The following GFRA2 variants were observed in gnomAD, a reference collection of about 807,000 sequenced individuals.
GFRA2 encodes the protein GDNF family receptor alpha-2.
A neutral mutation model predicts 48.3 loss-of-function variants in GFRA2; 17 were observed. The ratio of observed to expected loss-of-function variants is 0.35; its 90% CI spans 0.24 to 0.53. The LOEUF (loss-of-function observed/expected upper bound fraction) is 0.53. Among genes scored for constraint, GFRA2 ranks in the 20% least tolerant of loss-of-function variants. The pLI is 0.93. For missense variants in GFRA2, 660 were observed against 637.3 expected (o/e 1.04, Z -0.38); for synonymous variants, 305 against 257.2 (o/e 1.19, Z -1.78).
At chr8:21,727,165 G>A (rs1803911946) in intron 4 of GFRA2, among the ~76,000 whole-genome samples, 1 of 152,180 alleles carries the variant, frequency 6.6e-6, no homozygotes, top group Admixed American at 6.5e-5. Context: ...CCCACGAGGT[G>A]TTTGATCTCA....
At chr8:21,716,425 C>G (rs374704530) in intron 4 of GFRA2, among the ~76,000 whole-genome samples, 8 of 152,108 alleles carry the variant, frequency 5.3e-5, no homozygotes, top group Non-Finnish European at 1.2e-4. Context: ...AGAAAGGCCA[C>G]GTGGGCCAAA....
chr8:21,782,538 G>T, intron 2 of GFRA2, 47 bp downstream of exon 2: 1 of 1,422,646 alleles, frequency 7.0e-7, no homozygotes. Context: ...CGTCCTCTCT[G>T]CCTGCGCCAC....
At chr8:21,801,487 T>A (rs1170350372) in intron 2 of GFRA2, among the ~76,000 whole-genome samples, 1 of 151,952 alleles carries the variant, frequency 6.6e-6, no homozygotes, top group African/African-American at 2.4e-5. Flanking sequence ...CCCAGAAAAT[T>A]CATGCAGGCA....
At chr8:21,723,695 C>T (rs917790086) in intron 4 of GFRA2, among the ~76,000 whole-genome samples, 4 of 152,286 alleles carry the variant, frequency 2.6e-5, no homozygotes, top group South Asian at 4.1e-4. Context: ...CTTTTGGACA[C>T]CCCTGGGAAA....
chr8:21,789,636 T>TG (rs1585347441), upstream of GFRA2, among the ~76,000 whole-genome samples: 1 of 151,904 alleles, frequency 6.6e-6, no homozygotes, highest in African/African-American at 2.4e-5. Flanking sequence ...CAACGCATCC[T>TG]GCCGGCCCCG....
chr8:21,792,836 G>C (rs962913940), upstream of GFRA2, among the ~76,000 whole-genome samples: 44 of 152,318 alleles, frequency 2.9e-4, no homozygotes, highest in Middle Eastern at 0.01. Flanking sequence ...AGGCAGAGGC[G>C]GGCAGATCAC....
chr8:21,697,713 T>C (rs906539320), intron 7 of GFRA2, among the ~76,000 whole-genome samples: 1 of 152,188 alleles, frequency 6.6e-6, no homozygotes, highest in Non-Finnish European at 1.5e-5. Context: ...GCTCCTATGA[T>C]TCCCATGTGT....
intron 3 of GFRA2, among the ~76,000 whole-genome samples, chr8:21,766,521 G>T (rs1046467515): frequency 2.0e-5 from 3 of 151,666 alleles, no homozygotes; most frequent in African/African-American, 7.3e-5. Flanking sequence ...CCGAGTTAGC[G>T]CGGAAGCCTC....
upstream of GFRA2, among the ~76,000 whole-genome samples, chr8:21,792,602 A>G (rs918427097): frequency 6.6e-6 from 1 of 152,252 alleles, no homozygotes. Flanking sequence ...ACAAAGGCAC[A>G]GTGGGAGAAA....
intron 4 of GFRA2, among the ~76,000 whole-genome samples, chr8:21,734,849 C>G (rs189822281): frequency 1.9e-4 from 29 of 152,282 alleles, no homozygotes; most frequent in Admixed American, 1.9e-3. Flanking sequence ...ATATCTTGGC[C>G]TCCAAAATCA....
At chr8:21,705,269 G>T in intron 5 of GFRA2, 144 bp from the exon 6 acceptor site, 1 of 748,704 alleles carries the variant, frequency 1.3e-6, no homozygotes. Flanking sequence ...CATCCCAATC[G>T]CACTCCTAAC....
intron 4 of GFRA2, among the ~76,000 whole-genome samples, chr8:21,748,253 G>A (rs1805108548): frequency 6.6e-6 from 1 of 152,004 alleles, no homozygotes; most frequent in African/African-American, 2.4e-5. Flanking sequence ...AGTCCCCCAG[G>A]CCCCTCAAAT....
chr8:21,744,744 C>T (rs1349068814), intron 4 of GFRA2, among the ~76,000 whole-genome samples: 1 of 152,180 alleles, frequency 6.6e-6, no homozygotes, highest in Non-Finnish European at 1.5e-5. Flanking sequence ...TTCCAGGCTC[C>T]TTATCAGAAG....
intron 3 of GFRA2, among the ~76,000 whole-genome samples, chr8:21,758,110 C>T (rs539780297): frequency 6.6e-6 from 1 of 151,928 alleles, no homozygotes; most frequent in Non-Finnish European, 1.5e-5. Flanking sequence ...ACCTGGGCAT[C>T]TGGATTTCAC....
chr8:21,743,660 C>T lies in GFRA2; in HGVS notation c.794+6928G>A, dbSNP rs79022961. 4.9e-3 allele frequency among the ~76,000 whole-genome samples: 742 copies of T among 152,262 alleles called. 13 individuals carry two copies. The highest frequency in any genetic ancestry group is 0.017 in the African/African-American group (693 of 41,560). On this transcript the variant is annotated intron_variant, in intron 4 of 8. Transcript: ENST00000524240. Reference sequence around the variant, plus strand: ...AATTAATAAAGAAATAGTCCCAGGACCCCCACTCCTCCCGCTATAGATAAT... The same window carrying T: ...AATTAATAAAGAAATAGTCCCAGGATCCCCACTCCTCCCGCTATAGATAAT...
At chr8:21,704,940 G>A (rs1403918499) in intron 6 of GFRA2, 45 bp downstream of exon 6, 3 of 1,440,532 alleles carry the variant, frequency 2.1e-6, no homozygotes, top group Non-Finnish European at 1.9e-6. Context: ...ACTCCAGGAG[G>A]GGTGGGAGGG....
rs1275665502 is a variant in GFRA2 at position 21,788,441 on chromosome 8, A to G, written c.-282T>C. The G allele has an allele frequency of 8.3e-7, 1 of 1,207,174 alleles. No homozygotes were observed. Among genetic ancestry groups the G allele is most frequent in the African/African-American group, 1.6e-5 (1 of 62,576 alleles). The allele number at this position is 1,207,174 out of a possible 1,614,324, so 74.8% of individuals were successfully genotyped here. A position where few individuals can be genotyped will look rare whatever the true frequency, so the allele number is the denominator to read the frequency against. The stretch of plus-strand genomic sequence containing the variant: ...CTGTGTATCGGCTTTCTAAGCCAAC[A>G]GCCCAGTCCTGGGGTCAGCCCTCCC... On this transcript the variant is annotated 5_prime_UTR_variant, in exon 1 of 9. Coordinates refer to ENST00000524240, the MANE Select transcript of GFRA2 (RefSeq NM_001495.5).
chr8:21,766,468 T>C (rs965414235), intron 3 of GFRA2, among the ~76,000 whole-genome samples: 1 of 151,878 alleles, frequency 6.6e-6, no homozygotes, highest in Non-Finnish European at 1.5e-5. Flanking sequence ...CAGTGAGTTA[T>C]CTGGGGATAA....
chr8:21,727,544 C>G (rs984725177), intron 4 of GFRA2, among the ~76,000 whole-genome samples: 7 of 152,208 alleles, frequency 4.6e-5, no homozygotes, highest in African/African-American at 7.2e-5. Context: ...CACGGCCCCC[C>G]CCAGGAGACA....
Sources: gnomAD v4.1 joint callset for allele counts (sites outside exome capture counted in the v4.1 genomes callset) on GRCh38, gnomAD v4.1.1 for gene constraint, MANE v1.5 for transcripts, NCBI Gene and HGNC (gene_info 2026-07-23, HGNC 2026-07-21) for gene names.